The following LIFR variants were observed in gnomAD, a reference collection of about 807,000 sequenced individuals.
LIFR encodes leukemia inhibitory factor receptor.
A neutral mutation model predicts 122.2 loss-of-function variants in LIFR; 84 were observed. The ratio of observed to expected loss-of-function variants is 0.69; its 90% confidence interval spans 0.58 to 0.82. The LOEUF is 0.82. Among genes scored for constraint, LIFR ranks in the 40% least tolerant of loss-of-function variants. The probability of loss-of-function intolerance (pLI) is 0.00; values close to 1 mark genes in which losing one functional copy is unlikely to be tolerated. For missense variants in LIFR, 1,294 were observed against 1,311.6 expected (o/e 0.99, Z 0.21); for synonymous variants, 422 against 434.7 (o/e 0.97, Z 0.36).
intron 9 of LIFR, among the ~76,000 whole-genome samples, chr5:38,505,499 G>A (rs1011374059): frequency 6.6e-6 from 1 of 151,892 alleles, no homozygotes; most frequent in Non-Finnish European, 1.5e-5. Flanking sequence ...CTAGTTAACA[G>A]TGTTTTAAGA....
At chr5:38,556,688 G>A (rs995308120), upstream of LIFR, 4 of 145,312 alleles carry the variant, frequency 2.8e-5, no homozygotes, top group Non-Finnish European at 6.1e-5. Context: ...TCGGCTGGGG[G>A]CGCAGCGGGC....
intron 1 of LIFR, among the ~76,000 whole-genome samples, chr5:38,575,290 G>A (rs1238914898): frequency 6.6e-6 from 1 of 152,166 alleles, no homozygotes; most frequent in Non-Finnish European, 1.5e-5. Context: ...GATTGGAAGG[G>A]GATGGTGGGG....
intron 1 of LIFR, among the ~76,000 whole-genome samples, chr5:38,562,551 C>A (rs768184644): frequency 6.6e-5 from 10 of 152,158 alleles, no homozygotes; most frequent in Non-Finnish European, 1.2e-4. Flanking sequence ...CAATTTACTC[C>A]CTTTTGAGTG....
At chr5:38,486,896 G>A (rs1327217414) in intron 16 of LIFR, among the ~76,000 whole-genome samples, 1 of 152,170 alleles carries the variant, frequency 6.6e-6, no homozygotes, top group African/African-American at 2.4e-5. Context: ...ATAAATATGA[G>A]TTACTGCTAA....
In LIFR at chr5:38,482,069, C is replaced by G. The variant is rs1477977358; in HGVS notation, c.2820G>C (p.Glu940Asp). 6.2e-7 allele frequency: 1 copy of G among 1,607,458 alleles called. No individual in the cohort carries two copies. Among genetic ancestry groups the G allele is most frequent in the Non-Finnish European group, 8.5e-7 (1 of 1,176,676 alleles). Residue 940 changes from glutamate to aspartate, a missense_variant, in exon 20 of 20, where the codon GAG becomes GAC. Glu to Asp is a conservative substitution (Grantham distance 45). Transcript: ENST00000453190. The stretch of plus-strand genomic sequence containing the variant: ...AGGACACAACCACATGGTTTTCAGG[C>G]TCTGCATCAGAGCGATCTTCAGGAC... ...AERPEDRSDA[E>D]PENHVVVSYC...
chr5:38,576,379 C>A (rs994470528), intron 1 of LIFR, among the ~76,000 whole-genome samples: 3 of 152,162 alleles, frequency 2.0e-5, no homozygotes, highest in Non-Finnish European at 4.4e-5. Context: ...CAATTTCTTA[C>A]AGGTAAGAGC....
chr5:38,588,030 C>A (rs114805933), intron 1 of LIFR, among the ~76,000 whole-genome samples: 69 of 152,288 alleles, frequency 4.5e-4, no homozygotes, highest in African/African-American at 1.6e-3. Flanking sequence ...TATCACAAGG[C>A]CTGTTTTATT....
At chr5:38,585,771 T>C (rs950039238) in intron 1 of LIFR, among the ~76,000 whole-genome samples, 1 of 152,164 alleles carries the variant, frequency 6.6e-6, no homozygotes, top group African/African-American at 2.4e-5. Flanking sequence ...TATGGCTATC[T>C]ACTTTACTCT....
upstream of LIFR, among the ~76,000 whole-genome samples, chr5:38,598,247 T>TA: frequency 1.5e-5 from 1 of 66,906 alleles, no homozygotes; most frequent in South Asian, 4.7e-4. Flanking sequence ...ATTTATTTAT[T>TA]TTTTTTTTTT....
intron 1 of LIFR, among the ~76,000 whole-genome samples, chr5:38,591,027 G>A (rs1353775053): frequency 1.3e-5 from 2 of 152,234 alleles, no homozygotes; most frequent in African/African-American, 4.8e-5. Context: ...ATGTAGAACT[G>A]TAATGGTGCC....
upstream of LIFR, chr5:38,556,686 G>C (rs899261378): frequency 2.1e-5 from 3 of 145,404 alleles, no homozygotes; most frequent in African/African-American, 7.4e-5. Flanking sequence ...GCTCGGCTGG[G>C]GGCGCAGCGG....
intron 1 of LIFR, among the ~76,000 whole-genome samples, chr5:38,572,960 C>T (rs538030406): frequency 9.2e-5 from 14 of 152,260 alleles, no homozygotes; most frequent in Admixed American, 3.9e-4. Context: ...AAGATGTGGC[C>T]GCTGCAACTT....
chr5:38,504,575 G>C (rs1745360449), intron 9 of LIFR, among the ~76,000 whole-genome samples: 3 of 152,114 alleles, frequency 2.0e-5, no homozygotes, highest in Admixed American at 2.0e-4. Flanking sequence ...TATGCAGGAA[G>C]AATCAGACAA....
chr5:38,535,729 C>A (rs79746475), intron 1 of LIFR, among the ~76,000 whole-genome samples: 1 of 152,148 alleles, frequency 6.6e-6, no homozygotes, highest in Non-Finnish European at 1.5e-5. Flanking sequence ...TGGCACAAAG[C>A]AGACACCAAA....
intron 1 of LIFR, among the ~76,000 whole-genome samples, chr5:38,550,952 T>C (rs934417177): frequency 3.9e-5 from 6 of 152,204 alleles, no homozygotes; most frequent in Non-Finnish European, 7.3e-5. Flanking sequence ...GTTTAAGTGC[T>C]TAATTTTCTA....
At chr5:38,514,293 A>G (rs1745960387) in intron 5 of LIFR, among the ~76,000 whole-genome samples, 1 of 152,184 alleles carries the variant, frequency 6.6e-6, no homozygotes, top group Non-Finnish European at 1.5e-5. Context: ...GTGTTTTTAG[A>G]CTGACAGGGG....
upstream of LIFR, among the ~76,000 whole-genome samples, chr5:38,596,986 C>A (rs1044872441): frequency 6.6e-6 from 1 of 152,186 alleles, no homozygotes; most frequent in East Asian, 1.9e-4. Flanking sequence ...TTTTGGGGAG[C>A]CTTTCTGGGA....
At chr5:38,589,963 T>C (rs541356495) in intron 1 of LIFR, among the ~76,000 whole-genome samples, 1 of 152,346 alleles carries the variant, frequency 6.6e-6, no homozygotes, top group Admixed American at 6.5e-5. Context: ...AGTTAACTCA[T>C]TTAATTCTTA....
chr5:38,488,020 C>T (rs1358886684), intron 16 of LIFR, among the ~76,000 whole-genome samples: 6 of 152,190 alleles, frequency 3.9e-5, no homozygotes, highest in Admixed American at 3.9e-4. Flanking sequence ...CTCCTTGTGG[C>T]TTTATTAGAG....
Sources: gnomAD v4.1 joint callset for allele counts (sites outside exome capture counted in the v4.1 genomes callset) on GRCh38, gnomAD v4.1.1 for gene constraint, MANE v1.5 for transcripts, NCBI Gene and HGNC (gene_info 2026-07-23, HGNC 2026-07-21) for gene names.